The following DAB1 variants were observed in gnomAD, a reference collection of about 807,000 sequenced individuals.
DAB1 encodes disabled homolog 1.
Under a neutral mutation model 64.6 loss-of-function variants are expected in DAB1, and 15 were observed. That is an observed-to-expected ratio of 0.23 (90% CI 0.16 to 0.36). The LOEUF (loss-of-function observed/expected upper bound fraction) is 0.36, where lower values mean the gene tolerates loss of function less well. Among genes scored for constraint, DAB1 ranks in the 10% least tolerant of loss-of-function variants. The pLI, the probability that DAB1 is intolerant of heterozygous loss-of-function variation, is 1.00. For missense variants in DAB1, 596 were observed against 706.7 expected (o/e 0.84, Z 1.78); for synonymous variants, 235 against 251.9 (o/e 0.93, Z 0.64).
intron 1 of DAB1, among the ~76,000 whole-genome samples, chr1:57,420,831 C>G (rs1684835454): frequency 6.6e-6 from 1 of 152,182 alleles, no homozygotes; most frequent in South Asian, 2.1e-4. Context: ...CACGAGTATT[C>G]TTTGTCTCAG....
At chr1:58,175,641 C>T (rs578184916) in intron 4 of DAB1, among the ~76,000 whole-genome samples, 1 of 152,232 alleles carries the variant, frequency 6.6e-6, no homozygotes, top group East Asian at 1.9e-4. Flanking sequence ...AAAACTTTTG[C>T]CCATTTTTAA....
chr1:58,241,936 C>CAT (rs1020473965), intron 4 of DAB1, among the ~76,000 whole-genome samples: 1 of 152,036 alleles, frequency 6.6e-6, no homozygotes, highest in African/African-American at 2.4e-5. Context: ...CTGAAAAGTG[C>CAT]ATACACTTGG....
At chr1:57,950,647 G>T (rs1178181914) in intron 5 of DAB1, among the ~76,000 whole-genome samples, 1 of 152,098 alleles carries the variant, frequency 6.6e-6, no homozygotes, top group Non-Finnish European at 1.5e-5. Flanking sequence ...TGTGTTTCAT[G>T]CCTCCTTGTC....
chr1:57,865,559 G>A (rs1244249820), intron 1 of DAB1, among the ~76,000 whole-genome samples: 2 of 139,250 alleles, frequency 1.4e-5, no homozygotes, highest in African/African-American at 5.0e-5. Flanking sequence ...AGGTTCACTG[G>A]GCATGATAAA....
intron 6 of DAB1, among the ~76,000 whole-genome samples, chr1:57,747,142 C>T (rs1648314638): frequency 6.6e-6 from 1 of 152,168 alleles, no homozygotes; most frequent in Non-Finnish European, 1.5e-5. Context: ...TAGATAGTCT[C>T]ATATGAGTTT....
intron 7 of DAB1, among the ~76,000 whole-genome samples, chr1:57,465,166 A>G (rs1686913810): frequency 6.6e-6 from 1 of 152,150 alleles, no homozygotes; most frequent in South Asian, 2.1e-4. Flanking sequence ...GGGTTTTACA[A>G]GCAGATTAAA....
intron 9 of DAB1, among the ~76,000 whole-genome samples, chr1:57,041,470 T>C (rs1647783178): frequency 2.0e-5 from 3 of 152,196 alleles, no homozygotes; most frequent in South Asian, 4.1e-4. Flanking sequence ...TACAAGTTCA[T>C]TGTGGCTGTG....
intron 2 of DAB1, among the ~76,000 whole-genome samples, chr1:57,159,608 G>C (rs1426311410): frequency 1.3e-5 from 2 of 152,062 alleles, no homozygotes; most frequent in East Asian, 3.9e-4. Flanking sequence ...TATATCAAAA[G>C]GGAAATTGCT....
At chr1:58,406,608 G>A (rs1426742350) in intron 3 of DAB1, among the ~76,000 whole-genome samples, 1 of 152,180 alleles carries the variant, frequency 6.6e-6, no homozygotes, top group Non-Finnish European at 1.5e-5. Flanking sequence ...GTTGGCCCAG[G>A]GCTCTTCAGG....
intron 4 of DAB1, among the ~76,000 whole-genome samples, chr1:58,298,671 C>T (rs1042573662): frequency 1.3e-5 from 2 of 152,144 alleles, no homozygotes; most frequent in East Asian, 1.9e-4. Flanking sequence ...GGGAAGAGTC[C>T]GAGGACTAGA....
In DAB1 at chr1:58,273,470, AT is replaced by A. The variant is rs1044637111; in HGVS notation, n.309+69881del. Among the ~76,000 whole-genome samples the A allele has an allele frequency of 1.5e-3, 43 of 29,296 alleles. 1 individual carries two copies. The highest frequency in any genetic ancestry group is 4.0e-3 in the African/African-American group (39 of 9,726). The allele number at this position is 29,296 out of a possible 152,430, so 19.2% of individuals were successfully genotyped here. A position where few individuals can be genotyped will look rare whatever the true frequency, so the allele number is the denominator to read the frequency against. ...TTTTCCTTCATTTCCACTTTGGTGA[AT>A]CTGACAATTATGTGTCTTGGAGTTG... On this transcript the variant is annotated intron_variant and non_coding_transcript_variant, in intron 4 of 20. Transcript: ENST00000485760.
intron 3 of DAB1, among the ~76,000 whole-genome samples, chr1:58,470,716 T>G (rs1360107799): frequency 6.6e-6 from 1 of 152,220 alleles, no homozygotes; most frequent in African/African-American, 2.4e-5. Flanking sequence ...TCGCACGCAG[T>G]CCGTCTTCCT....
intron 5 of DAB1, among the ~76,000 whole-genome samples, chr1:57,973,219 A>G (rs1645840120): frequency 6.6e-6 from 1 of 152,166 alleles, no homozygotes; most frequent in African/African-American, 2.4e-5. Flanking sequence ...TTGGCCTTGA[A>G]GATTGAAATG....
intron 5 of DAB1, among the ~76,000 whole-genome samples, chr1:57,905,743 A>C (rs1644540712): frequency 6.6e-6 from 1 of 152,168 alleles, no homozygotes; most frequent in Non-Finnish European, 1.5e-5. Context: ...GCTCACTAAC[A>C]TACAGAGATT....
intron 1 of DAB1, among the ~76,000 whole-genome samples, chr1:57,374,183 A>AT (rs397791906): frequency 2.0e-5 from 3 of 152,058 alleles, no homozygotes; most frequent in Admixed American, 2.0e-4. Flanking sequence ...AAATGAAAAA[A>AT]TTGACTATTT....
chr1:57,869,832 C>T (rs72666135), intron 1 of DAB1, among the ~76,000 whole-genome samples: 14,246 of 152,144 alleles, frequency 0.094, 965 homozygotes, highest in Admixed American at 0.23. Flanking sequence ...ATTATATTTA[C>T]ACATCTGATT....
At chr1:57,120,604 C>T (rs960011859) in intron 4 of DAB1, among the ~76,000 whole-genome samples, 1 of 152,150 alleles carries the variant, frequency 6.6e-6, no homozygotes, top group Non-Finnish European at 1.5e-5. Context: ...CTATTAAATA[C>T]TAACTCCCCA....
intron 7 of DAB1, among the ~76,000 whole-genome samples, chr1:57,479,877 G>A (rs1643990488): frequency 1.3e-5 from 2 of 152,142 alleles, no homozygotes; most frequent in Non-Finnish European, 1.5e-5. Flanking sequence ...CCAGGGGCCG[G>A]GCGCGGTGGC....
intron 1 of DAB1, among the ~76,000 whole-genome samples, chr1:57,309,404 C>A (rs868055439): frequency 1.2e-4 from 19 of 152,082 alleles, no homozygotes; most frequent in Non-Finnish European, 1.9e-4. Context: ...GATTTCTGCT[C>A]CAAAATAAGT....
Sources: gnomAD v4.1 joint callset for allele counts (sites outside exome capture counted in the v4.1 genomes callset) on GRCh38, gnomAD v4.1.1 for gene constraint, MANE v1.5 for transcripts, NCBI Gene and HGNC (gene_info 2026-07-23, HGNC 2026-07-21) for gene names.